The following BLTP1 variants were observed in gnomAD, a reference collection of about 807,000 sequenced individuals.
BLTP1 encodes the protein bridge-like lipid transfer protein family member 1, also known as fragile site-associated protein.
At chr4:122,267,076 T>TTTTTTTTTTA in the BLTP1 span, 1 of 386,908 alleles carries the variant, frequency 2.6e-6, no homozygotes, top group African/African-American at 2.6e-5. Flanking sequence ...TTTTTTTTTT[T>TTTTTTTTTTA]GAGACGGAGT....
the BLTP1 span, among the ~76,000 whole-genome samples, chr4:122,195,339 C>T: frequency 6.6e-6 from 1 of 152,044 alleles, no homozygotes; most frequent in African/African-American, 2.4e-5. Flanking sequence ...TATGAATTTT[C>T]ATGACAGAGT....
the BLTP1 span, chr4:122,167,934 G>A: frequency 1.5e-5 from 15 of 968,014 alleles, no homozygotes; most frequent in African/African-American, 8.8e-5. Context: ...ATTACCATAA[G>A]TCTCCAGTCT....
At chr4:122,295,698 A>G in the BLTP1 span, among the ~76,000 whole-genome samples, 1 of 152,174 alleles carries the variant, frequency 6.6e-6, no homozygotes, top group African/African-American at 2.4e-5. Context: ...TCCTCAAAAA[A>G]ATACTGACAA....
chr4:122,347,648 C>T, the BLTP1 span: 28 of 1,613,876 alleles, frequency 1.7e-5, no homozygotes, highest in South Asian at 1.1e-4. Flanking sequence ...ACCCACATGC[C>T]TCAGTCACCT....
chr4:122,359,053 G>A, the BLTP1 span, among the ~76,000 whole-genome samples: 1 of 151,052 alleles, frequency 6.6e-6, no homozygotes, highest in African/African-American at 2.4e-5. Context: ...ATGGTATGGT[G>A]TGTGAATTAT....
chr4:122,208,776 T>G, the BLTP1 span: 7 of 577,180 alleles, frequency 1.2e-5, no homozygotes, highest in South Asian at 5.4e-4. Context: ...TTTGTTTATC[T>G]CACTCGTGTA....
At chr4:122,337,226 T>C in the BLTP1 span, 2 of 541,388 alleles carry the variant, frequency 3.7e-6, no homozygotes, top group Non-Finnish European at 6.5e-6. Context: ...CAAGTTATGA[T>C]GCTGTTCTGA....
chr4:122,278,860 G>A, the BLTP1 span, among the ~76,000 whole-genome samples: 9,763 of 152,134 alleles, frequency 0.064, 887 homozygotes, highest in African/African-American at 0.2. Context: ...TCAAACTCCC[G>A]AGCTCAAGTG....
the BLTP1 span, chr4:122,347,156 T>C: frequency 1.0e-6 from 1 of 984,594 alleles, no homozygotes; most frequent in Non-Finnish European, 1.2e-6. Context: ...GCTGGGGACA[T>C]GTTACTAGCT....
At chr4:122,281,914 G>A in the BLTP1 span, 2 of 1,303,098 alleles carry the variant, frequency 1.5e-6, no homozygotes, top group African/African-American at 1.5e-5. Context: ...CATTAATGAT[G>A]TTCTCTAGTC....
At chr4:122,273,558 G>A in the BLTP1 span, 2 of 421,040 alleles carry the variant, frequency 4.8e-6, no homozygotes, top group Non-Finnish European at 6.4e-6. Flanking sequence ...CATTTATGGT[G>A]AGAATTAGAG....
chr4:122,292,664 T>G, the BLTP1 span: 1 of 811,358 alleles, frequency 1.2e-6, no homozygotes, highest in East Asian at 1.3e-4. Context: ...AAAGGATAAT[T>G]AAAAAGCATG....
the BLTP1 span, chr4:122,189,053 T>C: frequency 1.0e-6 from 1 of 984,600 alleles, no homozygotes; most frequent in Non-Finnish European, 1.2e-6. Context: ...CAAATGTGTA[T>C]GAGTGAAGGT....
At chr4:122,356,215 TA>T in the BLTP1 span, among the ~76,000 whole-genome samples, 2 of 152,210 alleles carry the variant, frequency 1.3e-5, no homozygotes, top group East Asian at 3.9e-4. Flanking sequence ...ACTTCATTTA[TA>T]GGACTATTAT....
the BLTP1 span, chr4:122,313,696 AC>A: frequency 1.4e-6 from 2 of 1,454,464 alleles, no homozygotes; most frequent in Non-Finnish European, 1.9e-6. Context: ...TGGTAGGTTC[AC>A]ATGCAGCATT....
chr4:122,247,585 C>T, the BLTP1 span: 1 of 1,156,976 alleles, frequency 8.6e-7, no homozygotes, highest in Admixed American at 3.2e-5. Flanking sequence ...GGTATGGCCC[C>T]AAATTAGGAA....
the BLTP1 span, among the ~76,000 whole-genome samples, chr4:122,309,869 C>T: frequency 6.6e-6 from 1 of 151,976 alleles, no homozygotes; most frequent in Admixed American, 6.6e-5. Context: ...TTAATATTGA[C>T]GTGAATAAAT....
the BLTP1 span, chr4:122,202,394 T>G: frequency 6.4e-6 from 1 of 156,140 alleles, no homozygotes; most frequent in Non-Finnish European, 1.4e-5. Flanking sequence ...ACAATAACTC[T>G]CAGGGATCAA....
At chr4:122,267,029 G>A in the BLTP1 span, 27 of 532,502 alleles carry the variant, frequency 5.1e-5, no homozygotes, top group South Asian at 3.9e-4. Flanking sequence ...CGTTACTTTC[G>A]TGTAATCCAA....
Sources: allele counts gnomAD v4.1 joint callset (sites outside exome capture counted in the v4.1 genomes callset), GRCh38; gene constraint gnomAD v4.1.1; transcripts MANE v1.5; gene names NCBI Gene and HGNC (gene_info 2026-07-23, HGNC 2026-07-21).